The following CSF1R variants were observed in gnomAD, a reference collection of about 807,000 sequenced individuals.
The protein encoded by CSF1R is colony stimulating factor 1 receptor.
CSF1R carries 40 observed loss-of-function variants against 110.0 expected under a neutral mutation model. The ratio of observed to expected loss-of-function variants is 0.36; its 90% CI spans 0.28 to 0.47. The LOEUF (loss-of-function observed/expected upper bound fraction) is 0.47. Ranked by LOEUF, CSF1R falls within the 20% of genes least tolerant of loss-of-function variation. CSF1R has a pLI of 0.99. For missense variants in CSF1R, 1,052 were observed against 1,253.0 expected, an observed-to-expected ratio of 0.84 and a Z score of 2.42; for synonymous variants, 523 against 503.4, an observed-to-expected ratio of 1.04 and a Z score of -0.52.
intron 14 of CSF1R, chr5:150,058,062 G>A (rs969738034): frequency 1.6e-5 from 6 of 372,548 alleles, no homozygotes; most frequent in Admixed American, 3.4e-5. Context: ...AAACTCTAGG[G>A]ACAAAACAGT....
chr5:150,093,806 G>A (rs1759121454), intron 1 of CSF1R, among the ~76,000 whole-genome samples: 1 of 152,208 alleles, frequency 6.6e-6, no homozygotes, highest in Admixed American at 6.5e-5. Flanking sequence ...GCTCACGCCT[G>A]TAATCCCAGC....
Position 150,054,421 on chromosome 5 carries a change from G to A in CSF1R, c.2664C>T (p.Ile888=), listed in dbSNP as rs1581276926. The change falls in exon 20 of 21, where the codon ATC becomes ATT. Residue 888 remains isoleucine, a synonymous_variant. Transcript: ENST00000675795. ...PAFAPKNIYS[I]MQACWALEPT... is the part of the protein sequence containing the mutation. ...GCTCCAAGGCCCAGCAGGCCTGCAT[G>A]ATGCTGTATCTGGGAGATAGGACAG... 1 of 1,612,328 alleles carries A rather than the reference G, an allele frequency of 6.2e-7. No individual in the cohort carries two copies. Among genetic ancestry groups the A allele is most frequent in the Non-Finnish European group, 8.5e-7 (1 of 1,179,170 alleles).
At chr5:150,068,171 TG>T in intron 10 of CSF1R, 43 bp downstream of exon 10, 1 of 1,500,096 alleles carries the variant, frequency 6.7e-7, no homozygotes, top group Non-Finnish European at 9.2e-7. Flanking sequence ...CATCCAAATC[TG>T]GCTCACTCAG....
intron 20 of CSF1R, 44 bp from the exon 21 acceptor site, chr5:150,054,268 G>A (rs1757079584): frequency 6.2e-7 from 1 of 1,613,562 alleles, no homozygotes; most frequent in African/African-American, 1.3e-5. Context: ...AGATCCATCA[G>A]GCCCAGCCCA....
intron 5 of CSF1R, among the ~76,000 whole-genome samples, chr5:150,074,448 C>G (rs1758173783): frequency 6.6e-6 from 1 of 151,928 alleles, no homozygotes; most frequent in African/African-American, 2.4e-5. Context: ...GCTGGGACAA[C>G]AGTTGCATGC....
chr5:150,057,737 G>A (rs1757296158), intron 14 of CSF1R, 145 bp from the exon 15 acceptor site: 3 of 643,246 alleles, frequency 4.7e-6, no homozygotes, highest in South Asian at 1.9e-5. Context: ...ATCTGAGTGA[G>A]CATTGGTCTC....
At chr5:150,094,243 A>G (rs1190457016) in intron 1 of CSF1R, 1 of 1,026,464 alleles carries the variant, frequency 9.7e-7, no homozygotes, top group Non-Finnish European at 1.4e-6. Flanking sequence ...AAGACATAAC[A>G]ATCCTGGGTG....
chr5:150,057,424 C>T (rs1334321580), intron 15 of CSF1R, 40 bp from the exon 16 acceptor site: 2 of 1,609,788 alleles, frequency 1.2e-6, no homozygotes, highest in Non-Finnish European at 1.7e-6. Flanking sequence ...CTGCCACACT[C>T]CCCACCCCTC....
intron 1 of CSF1R, among the ~76,000 whole-genome samples, chr5:150,091,874 A>G (rs930628328): frequency 6.6e-6 from 1 of 151,066 alleles, no homozygotes; most frequent in East Asian, 1.9e-4. Flanking sequence ...AAAAAAAAAA[A>G]AAAAATCCTA....
In CSF1R at chr5:150,061,799, G is replaced by A. The variant is rs1175717283; in HGVS notation, c.1677C>T (p.Asn559=). The change falls in exon 11 of 21, where the codon AAC becomes AAT. Residue 559 remains asparagine (N), a synonymous_variant. Transcript: ENST00000675795. ...GCGTGGGGTCGATGAAAGTATAACTGTTGCCCTCATAGCTCTCGATGATCT... is the reference window on the plus strand; with the variant it reads ...GCGTGGGGTCGATGAAAGTATAACTATTGCCCTCATAGCTCTCGATGATCT... The part of the protein sequence containing the change: ...RWKIIESYEG[N]SYTFIDPTQL... 6 of 1,614,106 alleles carry A rather than the reference G, an allele frequency of 3.7e-6. No homozygotes were observed. The highest frequency in any genetic ancestry group is 5.1e-6 in the Non-Finnish European group (6 of 1,180,054).
At chr5:150,091,184 G>C (rs553010385), upstream of CSF1R, among the ~76,000 whole-genome samples, 71 of 152,262 alleles carry the variant, frequency 4.7e-4, no homozygotes, top group African/African-American at 1.5e-3. Flanking sequence ...TACAATGTTG[G>C]TGAAAATGAA....
intron 1 of CSF1R, among the ~76,000 whole-genome samples, chr5:150,111,875 A>G (rs1228435320): frequency 6.6e-6 from 1 of 152,246 alleles, no homozygotes; most frequent in Non-Finnish European, 1.5e-5. Context: ...GAGTCACATC[A>G]CAGGACTGCT....
chr5:150,088,593 G>A (rs1758938791), upstream of CSF1R, among the ~76,000 whole-genome samples: 1 of 151,702 alleles, frequency 6.6e-6, no homozygotes, highest in South Asian at 2.1e-4. Flanking sequence ...GAGTGCAGTG[G>A]AGCAATCTCG....
chr5:150,068,746 A>G (rs968179336), intron 9 of CSF1R, among the ~76,000 whole-genome samples: 2 of 152,108 alleles, frequency 1.3e-5, no homozygotes, highest in Admixed American at 6.5e-5. Flanking sequence ...CCTCTCCTGC[A>G]TTTCCCCTGC....
intron 1 of CSF1R, among the ~76,000 whole-genome samples, chr5:150,084,374 AGAAAGAAAGAAAGAAAGAAGGAAG>A (rs1561945689): frequency 1.1e-4 from 5 of 46,364 alleles, no homozygotes; most frequent in East Asian, 4.4e-4. Context: ...AAAGAAAGAA[AGAAAGAAAGAAAGAAAGAAGGAAG>A]GAAGGAAGGA....
At chr5:150,079,140 T>G (rs2855784) in intron 3 of CSF1R, among the ~76,000 whole-genome samples, 73,976 of 151,896 alleles carry the variant, frequency 0.49, 19,049 homozygotes, top group Non-Finnish European at 0.56. Context: ...CCTGAGGGGG[T>G]GTCAAGGCAG....
At chr5:150,055,380 C>G (rs1326593106) in intron 18 of CSF1R, 44 bp from the exon 19 acceptor site, 2 of 1,527,804 alleles carry the variant, frequency 1.3e-6, no homozygotes, top group East Asian at 2.2e-5. Context: ...CCATTGTCTT[C>G]TCCCCATTCC....
At chr5:150,108,396 G>A (rs763218366) in intron 1 of CSF1R, among the ~76,000 whole-genome samples, 1 of 152,128 alleles carries the variant, frequency 6.6e-6, no homozygotes, top group Non-Finnish European at 1.5e-5. Context: ...CCCACACAAG[G>A]TGGATGGACC....
intron 1 of CSF1R, among the ~76,000 whole-genome samples, chr5:150,101,869 C>G (rs2113863943): frequency 6.6e-6 from 1 of 152,206 alleles, no homozygotes; most frequent in African/African-American, 2.4e-5. Flanking sequence ...ACCCATCCAT[C>G]CCATCCCTAC....
Sources: allele counts gnomAD v4.1 joint callset (sites outside exome capture counted in the v4.1 genomes callset), GRCh38; gene constraint gnomAD v4.1.1; transcripts MANE v1.5; gene names NCBI Gene and HGNC (gene_info 2026-07-23, HGNC 2026-07-21).